Variants in FGF8 observed in about 807,000 individuals in gnomAD.
The protein encoded by FGF8 is fibroblast growth factor 8, also known as androgen-induced growth factor.
A neutral mutation model predicts 29.7 loss-of-function variants in FGF8; 12 were observed. The ratio of observed to expected loss-of-function variants is 0.40; its 90% CI spans 0.26 to 0.65. The LOEUF (loss-of-function observed/expected upper bound fraction) is 0.65, where lower values mean the gene tolerates loss of function less well. Among genes scored for constraint, FGF8 ranks in the 30% least tolerant of loss-of-function variants. FGF8 has a pLI of 0.37. For missense variants in FGF8, 271 were observed against 345.1 expected (o/e 0.79, Z 1.70); for synonymous variants, 157 against 144.4 (o/e 1.09, Z -0.63).
At position 101,774,816 on chromosome 10, in the gene FGF8, G is replaced by C; in HGVS notation, c.253C>G (p.Leu85Val). The C allele has an allele frequency of 6.2e-7, 1 of 1,613,556 alleles. No homozygotes were observed. Among genetic ancestry groups the C allele is most frequent in the Non-Finnish European group, 8.5e-7 (1 of 1,180,036 alleles). ...TGCTTCCCGCTGGTGCGGCTGTAGA[G>C]TTGGTAGGTCCGGATGAGGCGGCGG... ...LSRRLIRTYQ[L>V]YSRTSGKHVQ... The change falls in exon 4 of 6, where the codon CTC becomes GTC. Residue 85 changes from leucine to valine, a missense_variant. Coordinates refer to ENST00000320185, the MANE Select transcript of FGF8 (RefSeq NM_033163.5).
chr10:101,770,767 T>C, intron 5 of FGF8, 148 bp from the exon 6 acceptor site: 1 of 833,702 alleles, frequency 1.2e-6, no homozygotes. Context: ...ACCCGCTCTC[T>C]AATCCCTCAC....
intron 5 of FGF8, 142 bp from the exon 6 acceptor site, chr10:101,770,761 G>A (rs570145841): frequency 1.6e-5 from 14 of 868,160 alleles, no homozygotes; most frequent in East Asian, 2.6e-5. Context: ...CTGGGCACCC[G>A]CTCTCTAATC....
At chr10:101,776,747 C>A (rs1294478791), upstream of FGF8, among the ~76,000 whole-genome samples, 2 of 152,084 alleles carry the variant, frequency 1.3e-5, no homozygotes, top group African/African-American at 4.8e-5. Context: ...CCCGTCCTGT[C>A]GGTCTCTCCA....
At chr10:101,779,451 G>A (rs1236058833), upstream of FGF8, among the ~76,000 whole-genome samples, 1 of 152,246 alleles carries the variant, frequency 6.6e-6, no homozygotes, top group Admixed American at 6.5e-5. This position sits in a 1 kb window ranked among gnomAD's most constrained non-coding sequence, Gnocchi z 5.7. Flanking sequence ...GCAAAGAAGA[G>A]GGCTCGAGGA....
In FGF8 at chr10:101,770,285, G is replaced by A. The variant is rs2064999147; in HGVS notation, c.*44C>T. The A allele has an allele frequency of 6.5e-7, 1 of 1,534,200 alleles. No homozygotes were observed. Among genetic ancestry groups the A allele is most frequent in the Non-Finnish European group, 8.8e-7 (1 of 1,136,422 alleles). ...TTGAGTTTTGGGTGCCCTACAGGAT[G>A]AGCCTCTCTGCGGTCTGGCATTGTG... On this transcript the variant is annotated 3_prime_UTR_variant, in exon 6 of 6. Transcript: ENST00000320185.
intron 4 of FGF8, among the ~76,000 whole-genome samples, chr10:101,773,620 T>A (rs2065052001): frequency 6.6e-6 from 1 of 152,150 alleles, no homozygotes; most frequent in Non-Finnish European, 1.5e-5. Flanking sequence ...GAAAATTATG[T>A]CTCCTCCAGC....
chr10:101,770,731 G>T, intron 5 of FGF8, 112 bp from the exon 6 acceptor site: 2 of 1,200,970 alleles, frequency 1.7e-6, no homozygotes, highest in Non-Finnish European at 2.4e-6. Context: ...GTGGGCAGGA[G>T]CCGCAGCCCC....
chr10:101,776,030 G>C lies in FGF8; in HGVS notation c.-130C>G, dbSNP rs2065087424. ...GGGAGGCCGGCGGCGATCACGACGC[G>C]GCTCCGCGGGTCCCGTGGAACGTCG... On this transcript the variant is annotated 5_prime_UTR_variant, in exon 1 of 6. Transcript: ENST00000320185. The C allele has an allele frequency of 2.6e-6, 1 of 382,740 alleles. No individual in the cohort carries two copies. Among genetic ancestry groups the C allele is most frequent in the Admixed American group, 5.5e-5 (1 of 18,130 alleles). 23.7% of individuals were successfully genotyped at this position (382,740 alleles called of 1,614,324 possible).
In FGF8 at chr10:101,775,959, C is replaced by CGGGA; in HGVS notation, c.-63_-60dup. 9.0e-7 allele frequency: 1 copy of CGGGA among 1,116,680 alleles called. No individual in the cohort carries two copies. Among genetic ancestry groups the CGGGA allele is most frequent in the Non-Finnish European group, 1.1e-6 (1 of 906,598 alleles). 69.2% of individuals were successfully genotyped at this position (1,116,680 alleles called of 1,614,324 possible). ...GGTCACGCCGTCCCGCGGGCCGCCGCGGGAGGACGCGCTGAGCAGGGCGCG... is the reference window on the plus strand; with the variant it reads ...GGTCACGCCGTCCCGCGGGCCGCCGCGGGAGGGAGGACGCGCTGAGCAGGGCGCG... On this transcript the variant is annotated 5_prime_UTR_variant, in exon 1 of 6. Coordinates refer to ENST00000320185, the MANE Select transcript of FGF8 (RefSeq NM_033163.5). The surrounding 1 kb of genome is among the most constrained non-coding windows in gnomAD (Gnocchi z 4.6).
chr10:101,775,904 G>T lies in FGF8; in HGVS notation c.-4C>A, dbSNP rs1319617730. ...GCGCGGAGCGGGGGCTGCCCATGGCGCGCGGCCCCGGGGCACCGAGAGCCC... is the reference window on the plus strand; with the variant it reads ...GCGCGGAGCGGGGGCTGCCCATGGCTCGCGGCCCCGGGGCACCGAGAGCCC... On this transcript the variant is annotated 5_prime_UTR_variant, in exon 1 of 6. Coordinates refer to ENST00000320185, the MANE Select transcript of FGF8 (RefSeq NM_033163.5). The surrounding 1 kb of genome is among the most constrained non-coding windows in gnomAD (Gnocchi z 4.6). 3 of 1,271,292 alleles carry T rather than the reference G, an allele frequency of 2.4e-6. No individual in the cohort carries two copies. The highest frequency in any genetic ancestry group is 3.2e-5 in the African/African-American group (2 of 63,482). 78.8% of individuals were successfully genotyped at this position (1,271,292 alleles called of 1,614,324 possible).
At position 101,771,380 on chromosome 10, in the gene FGF8, G is replaced by A. The variant is rs1357336382; in HGVS notation, c.444+83C>T. 1.4e-5 allele frequency: 14 copies of A among 1,030,242 alleles called. No individual in the cohort carries two copies. Among genetic ancestry groups the A allele is most frequent in the Non-Finnish European group, 1.8e-5 (12 of 652,568 alleles). 63.8% of individuals were successfully genotyped at this position (1,030,242 alleles called of 1,614,324 possible). ...TTCTGCCTACCTTGTTGGGATCAGA[G>A]CCCAGGACTGTCTTGGAGGAGTCCA... On this transcript the variant is annotated intron_variant, in intron 5 of 5. Coordinates refer to ENST00000320185, the MANE Select transcript of FGF8 (RefSeq NM_033163.5). The surrounding 1 kb of genome is among the most constrained non-coding windows in gnomAD (Gnocchi z 5.3).
At chr10:101,779,246 T>C (rs1367381927), upstream of FGF8, among the ~76,000 whole-genome samples, 1 of 152,226 alleles carries the variant, frequency 6.6e-6, no homozygotes, top group Non-Finnish European at 1.5e-5. The surrounding 1 kb of genome is among the most constrained non-coding windows in gnomAD (Gnocchi z 5.7). Flanking sequence ...CGCCGCGGAC[T>C]CACTGCCGAC....
chr10:101,779,039 A>AAACACAAACACACACTCCTCGCC (rs2065119980), upstream of FGF8, among the ~76,000 whole-genome samples: 1 of 152,108 alleles, frequency 6.6e-6, no homozygotes, highest in Non-Finnish European at 1.5e-5. This position sits in a 1 kb window ranked among gnomAD's most constrained non-coding sequence, Gnocchi z 5.7. Context: ...CCTCGCCTGC[A>AAACACAAACACACACTCCTCGCC]AACACAAACA....
In FGF8 at chr10:101,771,432, C is replaced by G. The variant is rs777438634; in HGVS notation, c.444+31G>C. On this transcript the variant is annotated intron_variant, in intron 5 of 5. Coordinates refer to ENST00000320185, the MANE Select transcript of FGF8 (RefSeq NM_033163.5). This position sits in a 1 kb window ranked among gnomAD's most constrained non-coding sequence, Gnocchi z 5.3. ...CCAGCCCAAGCCACTCCCTAGGTCC[C>G]GCGGACCCCACCTGCCTGCTGGGGC... The G allele has an allele frequency of 3.2e-6, 5 of 1,560,072 alleles. No homozygotes were observed. Among genetic ancestry groups the G allele is most frequent in the Non-Finnish European group, 4.4e-6 (5 of 1,131,172 alleles).
chr10:101,770,235 C>G lies in FGF8; in HGVS notation c.*94G>C. 1 of 1,262,844 alleles carries G rather than the reference C, an allele frequency of 7.9e-7. No homozygotes were observed. Among genetic ancestry groups the G allele is most frequent in the Non-Finnish European group, 1.1e-6 (1 of 925,726 alleles). The allele number at this position is 1,262,844 out of a possible 1,614,324, so 78.2% of individuals were successfully genotyped here. ...GCTCCCCCAGCACCTCCCCAGCCTG[C>G]AGAGCAGCGCACAGCTCATCTTGCT... On this transcript the variant is annotated 3_prime_UTR_variant, in exon 6 of 6. Transcript: ENST00000320185.
At position 101,775,674 on chromosome 10, in the gene FGF8, C is replaced by A. The variant is rs764086706; in HGVS notation, c.69+66G>T. 6.6e-7 allele frequency: 1 copy of A among 1,520,120 alleles called. No homozygotes were observed. 94.2% of individuals were successfully genotyped at this position (1,520,120 alleles called of 1,614,324 possible). On this transcript the variant is annotated intron_variant, in intron 2 of 5. Coordinates refer to ENST00000320185, the MANE Select transcript of FGF8 (RefSeq NM_033163.5). This position sits in a 1 kb window ranked among gnomAD's most constrained non-coding sequence, Gnocchi z 4.6. ...GCAGAGTCAGTCCCGGTGCCCCCGA[C>A]CGGCGCTGCCCACCCGGGTCTCACA...
At chr10:101,770,713 A>G in intron 5 of FGF8, 94 bp from the exon 6 acceptor site, 2 of 1,410,204 alleles carry the variant, frequency 1.4e-6, no homozygotes, top group Non-Finnish European at 2.0e-6. Context: ...ACCCCAGCAG[A>G]TGGCGAGGTG....
Position 101,775,837 on chromosome 10 carries a change from C to CGGGGGGGGGGGGGG in FGF8, c.32+31_32+32insCCCCCCCCCCCCCC. On this transcript the variant is annotated intron_variant, in intron 1 of 5. Transcript: ENST00000320185. This position sits in a 1 kb window ranked among gnomAD's most constrained non-coding sequence, Gnocchi z 4.6. ...CGGGTGAGGCGAGGGGCGCGGGGGG[C>CGGGGGGGGGGGGGG]GGGTGGCGGGGCAGGGCGGCGCGGT... 2.1e-6 allele frequency: 2 copies of CGGGGGGGGGGGGGG among 967,860 alleles called. No homozygotes were observed. Among genetic ancestry groups the CGGGGGGGGGGGGGG allele is most frequent in the Non-Finnish European group, 3.0e-6 (2 of 673,678 alleles). The allele number at this position is 967,860 out of a possible 1,614,324, so 60.0% of individuals were successfully genotyped here.
At position 101,775,662 on chromosome 10, in the gene FGF8, C is replaced by G. The variant is rs538019672; in HGVS notation, c.69+78G>C. 6.7e-7 allele frequency: 1 copy of G among 1,493,606 alleles called. No individual in the cohort carries two copies. The highest frequency in any genetic ancestry group is 9.0e-7 in the Non-Finnish European group (1 of 1,108,906). The allele number at this position is 1,493,606 out of a possible 1,614,324, so 92.5% of individuals were successfully genotyped here. ...CCCGCGCCGGCCGCAGAGTCAGTCC[C>G]GGTGCCCCCGACCGGCGCTGCCCAC... On this transcript the variant is annotated intron_variant, in intron 2 of 5. Coordinates refer to ENST00000320185, the MANE Select transcript of FGF8 (RefSeq NM_033163.5). The surrounding 1 kb of genome is among the most constrained non-coding windows in gnomAD (Gnocchi z 4.6).
Sources: allele counts gnomAD v4.1 joint callset (sites outside exome capture counted in the v4.1 genomes callset), GRCh38; gene constraint gnomAD v4.1.1; non-coding constraint Gnocchi (gnomAD v3.1); transcripts MANE v1.5; gene names NCBI Gene and HGNC (gene_info 2026-07-23, HGNC 2026-07-21).